The following TMED8 variants were observed in gnomAD, a reference collection of about 807,000 sequenced individuals.
TMED8 encodes transmembrane p24 trafficking protein family member 8.
Under a neutral mutation model 32.7 loss-of-function variants are expected in TMED8, and 15 were observed. The ratio of observed to expected loss-of-function variants is 0.46; its 90% confidence interval spans 0.31 to 0.71. The LOEUF (loss-of-function observed/expected upper bound fraction) is 0.71, where lower values mean the gene tolerates loss of function less well. Among genes scored for constraint, TMED8 ranks in the 30% least tolerant of loss-of-function variants. The probability of loss-of-function intolerance (pLI) is 0.06; values close to 1 mark genes in which losing one functional copy is unlikely to be tolerated. For synonymous variants in TMED8, 147 were observed against 161.4 expected (o/e 0.91, Z 0.68); for missense variants, 390 against 423.9 (o/e 0.92, Z 0.70).
chr14:77,357,485 C>T (rs1289319314), intron 1 of TMED8, among the ~76,000 whole-genome samples: 2 of 152,276 alleles, frequency 1.3e-5, no homozygotes, highest in South Asian at 2.1e-4. Context: ...AAAATTTCCC[C>T]TCATCAACTA....
chr14:77,353,625 CTT>C (rs1308744982), intron 1 of TMED8, among the ~76,000 whole-genome samples: 4 of 143,186 alleles, frequency 2.8e-5, no homozygotes, highest in African/African-American at 7.7e-5. Flanking sequence ...TGATTTTTTT[CTT>C]TTTTTTTTTG....
intron 3 of TMED8, among the ~76,000 whole-genome samples, chr14:77,344,767 T>C (rs954868592): frequency 6.6e-6 from 1 of 152,190 alleles, no homozygotes; most frequent in African/African-American, 2.4e-5. Context: ...TAAATCAAGT[T>C]TGTAATCCTC....
rs550989698 is a variant in TMED8, at chr14:77,338,847, T to C, written c.*2924A>G. The C allele has an allele frequency of 6.6e-6, 1 of 152,250 alleles. No individual in the cohort carries two copies. Among genetic ancestry groups the C allele is most frequent in the Non-Finnish European group, 1.5e-5 (1 of 68,048 alleles). The allele number at this position is 152,250 out of a possible 1,614,324, so 9.4% of individuals were successfully genotyped here. A position where few individuals can be genotyped will look rare whatever the true frequency, so the allele number is the denominator to read the frequency against. On this transcript the variant is annotated 3_prime_UTR_variant, in exon 6 of 6. Transcript: ENST00000216468. ...ACACTGGGGGAAAAGAAATCAATAC[T>C]TTAAATATGTCTTCCTTTCTAAAAG...
intron 1 of TMED8, among the ~76,000 whole-genome samples, chr14:77,363,819 C>G (rs775872209): frequency 6.6e-6 from 1 of 151,966 alleles, no homozygotes; most frequent in Non-Finnish European, 1.5e-5. Context: ...CCACAGCTGG[C>G]TCATTACTTT....
At chr14:77,359,366 T>G in intron 1 of TMED8, 1 of 207,790 alleles carries the variant, frequency 4.8e-6, no homozygotes, top group Non-Finnish European at 9.7e-6. Flanking sequence ...CATCTGGCTG[T>G]TTATCCTTTA....
chr14:77,364,793 A>T (rs1221213070), intron 1 of TMED8, among the ~76,000 whole-genome samples: 1 of 152,154 alleles, frequency 6.6e-6, no homozygotes, highest in East Asian at 1.9e-4. Flanking sequence ...TTTTATACAC[A>T]TTGCCCAATT....
rs11297608 is a variant in TMED8, at chr14:77,345,659, CAAAAAAA to C, written c.327+683_327+689del. Among the ~76,000 whole-genome samples the C allele has an allele frequency of 8.7e-5, 9 of 103,210 alleles. 2 individuals are homozygous for C. The Admixed American group carries it at 9.1e-4, about 10-fold the overall frequency. 67.7% of individuals were successfully genotyped at this position (103,210 alleles called of 152,430 possible). A position where few individuals can be genotyped will look rare whatever the true frequency, so the allele number is the denominator to read the frequency against. On this transcript the variant is annotated intron_variant, in intron 3 of 5. Transcript: ENST00000216468. ...GGGTGACAGAGTGAGACCTTTGTCTCAAAAAAAAAAAAAAAAAAAAAAAATCAAGGCC... is the reference window on the plus strand; with the variant it reads ...GGGTGACAGAGTGAGACCTTTGTCTCAAAAAAAAAAAAAAAAATCAAGGCC...
chr14:77,342,284 C>A (rs1287398892), intron 5 of TMED8, among the ~76,000 whole-genome samples: 2 of 152,056 alleles, frequency 1.3e-5, no homozygotes, highest in East Asian at 3.9e-4. Context: ...CTGAGAGGAG[C>A]CTTCCTAGCT....
At chr14:77,375,006 G>GT (rs1893779922) in intron 1 of TMED8, among the ~76,000 whole-genome samples, 1 of 152,184 alleles carries the variant, frequency 6.6e-6, no homozygotes, top group Admixed American at 6.6e-5. Context: ...ACTTGAACAG[G>GT]TAAGTTAACC....
intron 1 of TMED8, among the ~76,000 whole-genome samples, chr14:77,357,113 G>C (rs1434060730): frequency 6.6e-6 from 1 of 152,174 alleles, no homozygotes; most frequent in Non-Finnish European, 1.5e-5. Context: ...ACTGTTGCCA[G>C]GGAGCACATT....
At chr14:77,354,663 C>T (rs774281426) in intron 1 of TMED8, among the ~76,000 whole-genome samples, 47 of 152,204 alleles carry the variant, frequency 3.1e-4, no homozygotes, top group Non-Finnish European at 2.8e-4. Flanking sequence ...TAAAAAAAGA[C>T]ACAAGGTTGG....
intron 1 of TMED8, 93 bp from the exon 2 acceptor site, chr14:77,351,844 A>T (rs1477771705): frequency 5.0e-6 from 5 of 1,006,660 alleles, no homozygotes; most frequent in Non-Finnish European, 5.7e-6. Flanking sequence ...AATTTCAACC[A>T]AATTCTTCCC....
chr14:77,363,708 C>CTT (rs111961346), intron 1 of TMED8, among the ~76,000 whole-genome samples: 1 of 144,912 alleles, frequency 6.9e-6, no homozygotes, highest in African/African-American at 2.5e-5. Context: ...CATTATTCCT[C>CTT]TTTTTTTTTT....
At chr14:77,344,321 G>A (rs922383879) in intron 3 of TMED8, among the ~76,000 whole-genome samples, 1 of 152,234 alleles carries the variant, frequency 6.6e-6, no homozygotes, top group African/African-American at 2.4e-5. Flanking sequence ...AAGCACTGCA[G>A]AGACAGAATC....
At chr14:77,353,519 G>A (rs139307917) in intron 1 of TMED8, among the ~76,000 whole-genome samples, 5 of 146,248 alleles carry the variant, frequency 3.4e-5, no homozygotes, top group Non-Finnish European at 6.0e-5. Flanking sequence ...TATGACTCTC[G>A]GCCTCTTGGC....
chr14:77,374,801 TATA>T, intron 1 of TMED8, among the ~76,000 whole-genome samples: 1 of 152,378 alleles, frequency 6.6e-6, no homozygotes, highest in East Asian at 1.9e-4. Context: ...CGCCCAATTA[TATA>T]ATGTTTTGAA....
Position 77,360,251 on chromosome 14 carries a change from A to G in TMED8, c.119-8500T>C, listed in dbSNP as rs542521698. Reference sequence around the variant, plus strand: ...ATTCCCAAGCAAAATATTATTAACCATAGTTCTCATATTGTACATTAGATC... The same window carrying G: ...ATTCCCAAGCAAAATATTATTAACCGTAGTTCTCATATTGTACATTAGATC... On this transcript the variant is annotated intron_variant, in intron 1 of 5. Coordinates refer to ENST00000216468, the MANE Select transcript of TMED8 (RefSeq NM_213601.3). Among the ~76,000 whole-genome samples, 9 of 152,276 alleles carry G rather than the reference A, an allele frequency of 5.9e-5. No individual in the cohort carries two copies. In the East Asian group the frequency reaches 1.3e-3, roughly 23 times the overall value.
rs1300290732 is a variant in TMED8, at chr14:77,343,838, T to C, written c.328-15A>G. ...TACTTAGCCATCTGCACAACAGAAC[T>C]CTGGTTAAAGGAGTATTCGAGTGGC... On this transcript the variant is annotated splice_polypyrimidine_tract_variant and intron_variant, in intron 3 of 5. Transcript: ENST00000216468. 4 of 1,610,504 alleles carry C rather than the reference T, an allele frequency of 2.5e-6. No homozygotes were observed. Among genetic ancestry groups the C allele is most frequent in the Non-Finnish European group, 3.4e-6 (4 of 1,178,072 alleles).
rs1210548678 is a variant in TMED8, at chr14:77,337,394, T to C, written c.*4377A>G. On this transcript the variant is annotated 3_prime_UTR_variant, in exon 6 of 6. Coordinates refer to ENST00000216468, the MANE Select transcript of TMED8 (RefSeq NM_213601.3). ...TTGAAAGATGGAGACCAAGAAACAA[T>C]TTTTTTTTTTTTGAGACGGAATCTT... The C allele has an allele frequency of 7.0e-6, 1 of 142,174 alleles. No individual in the cohort carries two copies. The highest frequency in any genetic ancestry group is 6.9e-5 in the Admixed American group (1 of 14,434). The allele number at this position is 142,174 out of a possible 1,614,324, so 8.8% of individuals were successfully genotyped here.
Sources: gnomAD v4.1 joint callset for allele counts (sites outside exome capture counted in the v4.1 genomes callset) on GRCh38, gnomAD v4.1.1 for gene constraint, MANE v1.5 for transcripts, NCBI Gene and HGNC (gene_info 2026-07-23, HGNC 2026-07-21) for gene names.